Variants in NVL observed in about 807,000 individuals in gnomAD.
The protein encoded by NVL is nuclear valosin-containing protein-like.
A neutral mutation model predicts 110.2 loss-of-function variants in NVL; 84 were observed. The observed-to-expected ratio is 0.76, with a 90% CI of 0.64 to 0.91. The LOEUF is 0.91. Among genes scored for constraint, NVL ranks in the 40% least tolerant of loss-of-function variants. The pLI is 0.00. For synonymous variants in NVL, 354 were observed against 361.1 expected, an observed-to-expected ratio of 0.98 and a Z score of 0.22; for missense variants, 882 against 1,035.9, an observed-to-expected ratio of 0.85 and a Z score of 2.04.
rs758937157 is a variant in NVL, at chr1:224,289,698, G to A, written c.1361C>T (p.Pro454Leu). ...LQTLCRKLRL[P>L]QAFDFCHLAH... The stretch of plus-strand genomic sequence containing the variant: ...TAAGTGACAGAAATCAAAAGCTTGA[G>A]GAAGCCTCAGTTTTCTGCACAATGT... The change falls in exon 13 of 23, where the codon CCT becomes CTT. Residue 454 changes from proline (P) to leucine (L), a missense_variant. This residue lies in a region of NVL where 416 missense variants were observed against 499.3 expected (regional missense o/e 0.83). Coordinates refer to ENST00000281701, the MANE Select transcript of NVL (RefSeq NM_002533.4). 35 of 1,613,998 alleles carry A rather than the reference G, an allele frequency of 2.2e-5. No homozygotes were observed. The highest frequency in any genetic ancestry group is 2.7e-5 in the Non-Finnish European group (32 of 1,179,986).
At chr1:224,280,689 G>C (rs1191888004) in intron 16 of NVL, among the ~76,000 whole-genome samples, 3 of 152,260 alleles carry the variant, frequency 2.0e-5, no homozygotes, top group Non-Finnish European at 4.4e-5. Flanking sequence ...ACTTTTCACA[G>C]AGAGGGACAA....
intron 18 of NVL, among the ~76,000 whole-genome samples, chr1:224,260,778 T>A (rs1275891502): frequency 6.7e-6 from 1 of 149,788 alleles, no homozygotes; most frequent in Non-Finnish European, 1.5e-5. Context: ...CATAGCTCAC[T>A]GTGGCCTCAA....
intron 16 of NVL, among the ~76,000 whole-genome samples, chr1:224,278,120 C>T (rs1665947523): frequency 1.3e-5 from 2 of 152,070 alleles, no homozygotes; most frequent in South Asian, 4.1e-4. Context: ...TTCACATTTC[C>T]TACTGCCTGC....
At chr1:224,228,661 C>T (rs932505881) in intron 22 of NVL, among the ~76,000 whole-genome samples, 3 of 146,980 alleles carry the variant, frequency 2.0e-5, no homozygotes, top group Non-Finnish European at 3.0e-5. Flanking sequence ...CAGAATGGGC[C>T]GGGCGCGGTG....
intron 16 of NVL, among the ~76,000 whole-genome samples, chr1:224,278,316 T>C (rs1473710193): frequency 7.3e-6 from 1 of 137,710 alleles, no homozygotes; most frequent in Non-Finnish European, 1.5e-5. Context: ...ACCGTTAACC[T>C]CCACCTCCTG....
intron 10 of NVL, among the ~76,000 whole-genome samples, chr1:224,297,998 A>G (rs1451789218): frequency 2.7e-5 from 4 of 150,606 alleles, no homozygotes; most frequent in Non-Finnish European, 4.4e-5. Context: ...CAGTGAGCTG[A>G]GACATTCCAG....
chr1:224,258,880 T>C (rs1663599941), intron 18 of NVL, among the ~76,000 whole-genome samples: 1 of 147,774 alleles, frequency 6.8e-6, no homozygotes, highest in Admixed American at 7.0e-5. Flanking sequence ...TAGCGACACA[T>C]GCCTAAAACC....
chr1:224,294,367 C>T lies in NVL; in HGVS notation c.1225G>A (p.Ala409Thr). The T allele has an allele frequency of 3.1e-6, 5 of 1,614,084 alleles. No individual in the cohort carries two copies. Among genetic ancestry groups the T allele is most frequent in the Non-Finnish European group, 4.2e-6 (5 of 1,180,030 alleles). The change falls in exon 12 of 23, where the codon GCT (alanine) becomes ACT (threonine). Residue 409 changes from alanine to threonine, a missense_variant. Around this residue, in one of 4 missense-constraint regions of NVL, gnomAD observed 416 missense variants for 499.3 expected, o/e 0.83. Transcript: ENST00000281701. The part of the protein sequence containing the change: ...AATARVLVIG[A>T]TNRPDSLDPA... ...TCTAACGAGTCTGGTCGATTAGTAG[C>T]TCCAATAACTAGGACCCGGGCTGTA...
chr1:224,243,109 T>A (rs1661393095), intron 19 of NVL, among the ~76,000 whole-genome samples: 1 of 151,970 alleles, frequency 6.6e-6, no homozygotes, highest in African/African-American at 2.4e-5. Flanking sequence ...ATTTATTTTT[T>A]ATTTTAAAAT....
At chr1:224,248,904 G>T (rs571919157) in intron 19 of NVL, among the ~76,000 whole-genome samples, 1 of 152,318 alleles carries the variant, frequency 6.6e-6, no homozygotes, top group African/African-American at 2.4e-5. Context: ...ACAGAACTGG[G>T]TACAATCCCA....
At position 224,286,110 on chromosome 1, in the gene NVL, G is replaced by A; in HGVS notation, c.1815C>T (p.Asp605=). 6.2e-7 allele frequency: 1 copy of A among 1,614,028 alleles called. No individual in the cohort carries two copies. The highest frequency in any genetic ancestry group is 8.5e-7 in the Non-Finnish European group (1 of 1,179,940). The change falls in exon 15 of 23, where the codon GAC becomes GAT. Residue 605 remains aspartate (D), a synonymous_variant. Transcript: ENST00000281701. The part of the protein sequence containing the change: ...MAILAPVRNP[D]QFKALGLVTP... ...TCACCAATCCAAGAGCTTTGAACTGGTCTGGGTTGCGTACTGGTGCCTGGA... is the reference window on the plus strand; with the variant it reads ...TCACCAATCCAAGAGCTTTGAACTGATCTGGGTTGCGTACTGGTGCCTGGA...
intron 1 of NVL, 129 bp downstream of exon 1, chr1:224,329,942 A>G: frequency 1.1e-6 from 1 of 893,314 alleles, no homozygotes; most frequent in Non-Finnish European, 1.8e-6. Context: ...AAACAGACGC[A>G]CGCCCAGACC....
intron 2 of NVL, among the ~76,000 whole-genome samples, chr1:224,324,179 T>G (rs1670922628): frequency 6.6e-6 from 1 of 152,156 alleles, no homozygotes; most frequent in Admixed American, 6.5e-5. Flanking sequence ...TGTAACACAA[T>G]GGTATTGTGT....
chr1:224,304,751 A>G lies in NVL; in HGVS notation c.810T>C (p.Asn270=). ...TTGCACTAACTTTTAATGTCATATC[A>G]TTGCCTCCCACATCTTCAAACTTCA... ...SNVKFEDVGG[N]DMTLKEVCKM... Residue 270 remains asparagine, a synonymous_variant, in exon 8 of 23, where the codon AAT becomes AAC. Coordinates refer to ENST00000281701, the MANE Select transcript of NVL (RefSeq NM_002533.4). 6.2e-7 allele frequency: 1 copy of G among 1,613,756 alleles called. No homozygotes were observed. The highest frequency in any genetic ancestry group is 8.5e-7 in the Non-Finnish European group (1 of 1,179,734).
At chr1:224,241,600 A>C (rs1404642059) in intron 19 of NVL, among the ~76,000 whole-genome samples, 1 of 152,186 alleles carries the variant, frequency 6.6e-6, no homozygotes, top group Non-Finnish European at 1.5e-5. Context: ...TCATGCCTGT[A>C]ATCTCAGCAC....
intron 17 of NVL, among the ~76,000 whole-genome samples, chr1:224,270,802 T>C (rs543917357): frequency 6.6e-6 from 1 of 152,282 alleles, no homozygotes; most frequent in African/African-American, 2.4e-5. Context: ...ACATGTATAC[T>C]AAAATGTAAT....
intron 18 of NVL, among the ~76,000 whole-genome samples, chr1:224,260,072 A>G (rs932102017): frequency 2.0e-5 from 3 of 152,204 alleles, no homozygotes; most frequent in Admixed American, 6.5e-5. Flanking sequence ...GTACTGTGCC[A>G]AAGGGCAAAA....
At chr1:224,245,993 A>G (rs1661773803) in intron 19 of NVL, among the ~76,000 whole-genome samples, 1 of 150,926 alleles carries the variant, frequency 6.6e-6, no homozygotes, top group South Asian at 2.1e-4. Flanking sequence ...TGGAAGCTGC[A>G]GGGCTCCTCT....
intron 14 of NVL, among the ~76,000 whole-genome samples, chr1:224,286,718 T>G (rs1177936958): frequency 6.6e-6 from 1 of 152,212 alleles, no homozygotes; most frequent in Non-Finnish European, 1.5e-5. Flanking sequence ...TATAAAATGT[T>G]TAGACAATGG....
Sources: gnomAD v4.1 joint callset for allele counts (sites outside exome capture counted in the v4.1 genomes callset) on GRCh38, gnomAD v4.1.1 for gene constraint, gnomAD v4.1.1 regional missense constraint, MANE v1.5 for transcripts, NCBI Gene and HGNC (gene_info 2026-07-23, HGNC 2026-07-21) for gene names.